SH3BGRL2: variants seen among roughly 807,000 people sequenced by gnomAD.
SH3BGRL2 encodes SH3 domain binding glutamate rich protein like 2.
In SH3BGRL2, 21 loss-of-function variants were observed where a neutral mutation model predicts 14.8. The observed-to-expected ratio is 1.42, with a 90% CI of 1.01 to 2.05. The LOEUF (loss-of-function observed/expected upper bound fraction) is 2.05, where lower values mean the gene tolerates loss of function less well. Ranked by LOEUF, SH3BGRL2 falls within the 30% of genes most tolerant of loss-of-function variation. The pLI, the probability that SH3BGRL2 is intolerant of heterozygous loss-of-function variation, is 0.00. For missense variants in SH3BGRL2, 147 were observed against 130.8 expected (o/e 1.12, Z -0.61); for synonymous variants, 50 against 47.8 (o/e 1.05, Z -0.19).
chr6:79,632,609 G>GT (rs1562142832), intron 1 of SH3BGRL2, among the ~76,000 whole-genome samples: 2 of 152,292 alleles, frequency 1.3e-5, no homozygotes, highest in East Asian at 3.9e-4. Flanking sequence ...CACCACTGAA[G>GT]TTTTTTATTT....
In SH3BGRL2 at chr6:79,691,343, T is replaced by C. The variant is rs1411421428; in HGVS notation, c.232-5142T>C. Among the ~76,000 whole-genome samples the C allele has an allele frequency of 2.6e-5, 4 of 151,960 alleles. No individual in the cohort carries two copies. The South Asian group carries it at 8.3e-4, about 32-fold the overall frequency. On this transcript the variant is annotated intron_variant, in intron 2 of 3. Coordinates refer to ENST00000369838, the MANE Select transcript of SH3BGRL2 (RefSeq NM_031469.4). ...TGTTTGTTTGTTTTGTTTTTGTTTTTTTTTGTTTTTTAAATTTTATTATTA... is the reference window on the plus strand; with the variant it reads ...TGTTTGTTTGTTTTGTTTTTGTTTTCTTTTGTTTTTTAAATTTTATTATTA...
chr6:79,550,922 A>G, the SH3BGRL2 span, among the ~76,000 whole-genome samples: 1 of 152,126 alleles, frequency 6.6e-6, no homozygotes, highest in Admixed American at 6.6e-5. Context: ...CTTTTCTACC[A>G]ATGCCCCAGG....
chr6:79,626,803 A>G (rs768765788), upstream of SH3BGRL2, among the ~76,000 whole-genome samples: 1 of 152,200 alleles, frequency 6.6e-6, no homozygotes, highest in African/African-American at 2.4e-5. Context: ...ATGCACTTGG[A>G]TCTTCCTCAC....
chr6:79,565,291 T>G, the SH3BGRL2 span, among the ~76,000 whole-genome samples: 1 of 152,196 alleles, frequency 6.6e-6, no homozygotes, highest in Non-Finnish European at 1.5e-5. Context: ...CTCAATGACC[T>G]TTATTCCTGG....
At chr6:79,571,576 T>A in the SH3BGRL2 span, among the ~76,000 whole-genome samples, 2 of 152,130 alleles carry the variant, frequency 1.3e-5, no homozygotes, top group East Asian at 3.9e-4. Context: ...CACTGTAAAA[T>A]GATTACCACA....
chr6:79,695,098 C>A (rs1344973852), intron 2 of SH3BGRL2, among the ~76,000 whole-genome samples: 4 of 152,224 alleles, frequency 2.6e-5, no homozygotes, highest in African/African-American at 9.6e-5. Flanking sequence ...TTCACTAGTG[C>A]TGCTCCCTGC....
chr6:79,654,994 T>TA (rs936517895), intron 1 of SH3BGRL2, among the ~76,000 whole-genome samples: 1 of 152,094 alleles, frequency 6.6e-6, no homozygotes, highest in African/African-American at 2.4e-5. Context: ...ATTAATCTTA[T>TA]AAAGGGGGAA....
Position 79,699,656 on chromosome 6 carries a change from G to A in SH3BGRL2, c.*147G>A. 1 of 1,130,734 alleles carries A rather than the reference G, an allele frequency of 8.8e-7. No individual in the cohort carries two copies. Among genetic ancestry groups the A allele is most frequent in the Non-Finnish European group, 1.2e-6 (1 of 840,174 alleles). The allele number at this position is 1,130,734 out of a possible 1,614,324, so 70.0% of individuals were successfully genotyped here. ...CACGGAAAAGGTGTTTTTGAAAGAT[G>A]TGGCTATAATGAGAATTGCATGATT... On this transcript the variant is annotated 3_prime_UTR_variant, in exon 4 of 4. Coordinates refer to ENST00000369838, the MANE Select transcript of SH3BGRL2 (RefSeq NM_031469.4).
the SH3BGRL2 span, among the ~76,000 whole-genome samples, chr6:79,541,374 G>A: frequency 1.3e-5 from 2 of 152,010 alleles, no homozygotes; most frequent in African/African-American, 4.8e-5. Context: ...GCATTGGTTT[G>A]TATAACAGAA....
At chr6:79,573,292 T>C in the SH3BGRL2 span, among the ~76,000 whole-genome samples, 28,168 of 152,162 alleles carry the variant, frequency 0.19, 2,690 homozygotes, top group South Asian at 0.22. Flanking sequence ...ATGTTAAATC[T>C]CAAGTTTCCA....
At chr6:79,590,430 T>TATATAG in the SH3BGRL2 span, among the ~76,000 whole-genome samples, 1 of 74,714 alleles carries the variant, frequency 1.3e-5, no homozygotes, top group African/African-American at 4.3e-5. Context: ...ATGTGATATA[T>TATATAG]ATATATATAT....
the SH3BGRL2 span, among the ~76,000 whole-genome samples, chr6:79,549,993 A>G: frequency 1.1e-3 from 162 of 152,258 alleles, no homozygotes; most frequent in Non-Finnish European, 2.0e-3. Context: ...AGTAAAAGAA[A>G]AACATGAGGA....
chr6:79,574,856 A>G, the SH3BGRL2 span: 1 of 152,266 alleles, frequency 6.6e-6, no homozygotes, highest in Non-Finnish European at 1.5e-5. Flanking sequence ...GTTGGGGGTT[A>G]GAACAGCTAA....
the SH3BGRL2 span, among the ~76,000 whole-genome samples, chr6:79,614,638 A>G: frequency 0.32 from 48,091 of 151,970 alleles, 7,937 homozygotes; most frequent in Middle Eastern, 0.47. Flanking sequence ...AGTATTATAG[A>G]CTAAGTGTGT....
chr6:79,612,893 G>A, the SH3BGRL2 span, among the ~76,000 whole-genome samples: 1 of 152,192 alleles, frequency 6.6e-6, no homozygotes, highest in African/African-American at 2.4e-5. Flanking sequence ...TTGATTTAAT[G>A]AATTCAGCAG....
the SH3BGRL2 span, among the ~76,000 whole-genome samples, chr6:79,583,188 T>G: frequency 6.6e-6 from 1 of 152,336 alleles, no homozygotes; most frequent in African/African-American, 2.4e-5. Flanking sequence ...TTGGTGGTAG[T>G]GTAAATTAGT....
At chr6:79,560,106 G>A in the SH3BGRL2 span, among the ~76,000 whole-genome samples, 4 of 152,136 alleles carry the variant, frequency 2.6e-5, no homozygotes, top group Admixed American at 6.5e-5. Flanking sequence ...AATGTTGGGG[G>A]TGGGGAGCAT....
intron 3 of SH3BGRL2, among the ~76,000 whole-genome samples, chr6:79,698,695 G>A (rs1205779785): frequency 6.6e-6 from 1 of 151,790 alleles, no homozygotes; most frequent in Non-Finnish European, 1.5e-5. Context: ...TTTGTCCTGT[G>A]AAGAGGTTTT....
intron 2 of SH3BGRL2, among the ~76,000 whole-genome samples, chr6:79,680,250 T>C (rs1320527903): frequency 6.6e-6 from 1 of 152,214 alleles, no homozygotes; most frequent in East Asian, 1.9e-4. Context: ...CGTTTCAAGT[T>C]AGCTTTTGTA....
Sources: gnomAD v4.1 joint callset for allele counts (sites outside exome capture counted in the v4.1 genomes callset) on GRCh38, gnomAD v4.1.1 for gene constraint, MANE v1.5 for transcripts, NCBI Gene and HGNC (gene_info 2026-07-23, HGNC 2026-07-21) for gene names.